The following MAML3 variants were observed in gnomAD, a reference collection of about 807,000 sequenced individuals.
MAML3 encodes the protein mastermind like transcriptional coactivator 3, also known as mastermind-like protein 3.
A neutral mutation model predicts 101.9 loss-of-function variants in MAML3; 27 were observed. The ratio of observed to expected loss-of-function variants is 0.27; its 90% CI spans 0.20 to 0.37. The LOEUF (loss-of-function observed/expected upper bound fraction) is 0.37. MAML3 is among the 10% of genes least tolerant of loss of function. MAML3 has a pLI of 1.00. For missense variants in MAML3, 1,316 were observed against 1,444.9 expected, an observed-to-expected ratio of 0.91 and a Z score of 1.45; for synonymous variants, 501 against 555.9, an observed-to-expected ratio of 0.90 and a Z score of 1.39.
intron 4 of MAML3, among the ~76,000 whole-genome samples, chr4:139,720,617 T>C (rs557134825): frequency 2.0e-5 from 3 of 152,222 alleles, no homozygotes; most frequent in African/African-American, 4.8e-5. Flanking sequence ...CCCACAAAAA[T>C]TGGGATCGTA....
At chr4:140,068,554 G>C (rs1426341435) in intron 1 of MAML3, among the ~76,000 whole-genome samples, 3 of 152,166 alleles carry the variant, frequency 2.0e-5, no homozygotes, top group Admixed American at 6.6e-5. Flanking sequence ...TCTACCAGGA[G>C]CTCACTCTCC....
At chr4:140,087,178 T>C (rs10018739) in intron 1 of MAML3, among the ~76,000 whole-genome samples, 2,229 of 152,214 alleles carry the variant, frequency 0.015, 60 homozygotes, top group African/African-American at 0.05. Flanking sequence ...ATACAAAACA[T>C]TCTCCTACCA....
intron 1 of MAML3, among the ~76,000 whole-genome samples, chr4:140,026,601 CAT>C (rs1384207693): frequency 1.3e-5 from 2 of 152,108 alleles, no homozygotes; most frequent in Non-Finnish European, 2.9e-5. Flanking sequence ...CAGAAAGAAA[CAT>C]TGAACAAATT....
At chr4:139,879,324 G>A (rs1188075334) in intron 2 of MAML3, among the ~76,000 whole-genome samples, 1 of 151,798 alleles carries the variant, frequency 6.6e-6, no homozygotes, top group Non-Finnish European at 1.5e-5. Flanking sequence ...TCAGGAGTTC[G>A]AGACCAGCCT....
At chr4:139,740,987 C>T (rs114067800) in intron 2 of MAML3, among the ~76,000 whole-genome samples, 2,393 of 152,284 alleles carry the variant, frequency 0.016, 32 homozygotes, top group Middle Eastern at 0.041. Flanking sequence ...CCTGCTCTGC[C>T]GGTTTCCCGA....
chr4:140,020,103 T>TC (rs575094187), intron 1 of MAML3, among the ~76,000 whole-genome samples: 266 of 152,310 alleles, frequency 1.7e-3, no homozygotes, highest in African/African-American at 6.0e-3. Flanking sequence ...CTATTTTTTT[T>TC]CCCTCCTGAC....
chr4:139,797,540 C>T (rs1730531950), intron 2 of MAML3, among the ~76,000 whole-genome samples: 1 of 152,090 alleles, frequency 6.6e-6, no homozygotes, highest in African/African-American at 2.4e-5. Context: ...GGGGTGTTCT[C>T]CCATTCATAG....
chr4:139,719,445 C>A lies in MAML3; in HGVS notation c.3295G>T (p.Asp1099Tyr). Residue 1099 changes from aspartate (D) to tyrosine (Y), a missense_variant, in exon 5 of 5, where the codon GAC becomes TAC. Transcript: ENST00000509479. ...PQDVSYNYSG[D>Y]GAGGSFPGLP... ...CCAGGGAAGGAACCCCCAGCTCCGT[C>A]GCCACTGTAATTGTATGACACGTCC... 6.2e-7 allele frequency: 1 copy of A among 1,614,008 alleles called. No homozygotes were observed. Among genetic ancestry groups the A allele is most frequent in the Non-Finnish European group, 8.5e-7 (1 of 1,179,900 alleles).
rs896627770 is a variant in MAML3 at position 140,097,555 on chromosome 4, G to A, written c.468+55305C>T. On this transcript the variant is annotated intron_variant, in intron 1 of 4. Transcript: ENST00000509479. ...ATGGGATTTAAAAAAAAGTTGGGAA[G>A]TATTAAAGGGAAAATCTTCCTGAAA... Among the ~76,000 whole-genome samples, 7 of 151,886 alleles carry A rather than the reference G, an allele frequency of 4.6e-5. No homozygotes were observed. In the South Asian group the frequency reaches 1.5e-3, roughly 32 times the overall value.
At chr4:139,777,885 CTTCTTGCTG>C (rs1487123820) in intron 2 of MAML3, among the ~76,000 whole-genome samples, 1 of 152,188 alleles carries the variant, frequency 6.6e-6, no homozygotes, top group African/African-American at 2.4e-5. Flanking sequence ...CCACATTGAC[CTTCTTGCTG>C]TTCCTGAAAA....
At chr4:140,052,846 A>G (rs1578660338) in intron 1 of MAML3, among the ~76,000 whole-genome samples, 1 of 151,928 alleles carries the variant, frequency 6.6e-6, no homozygotes, top group Non-Finnish European at 1.5e-5. Context: ...AAAAACCCAT[A>G]TATTTCTATT....
chr4:140,151,800 TG>T (rs1292683975), intron 1 of MAML3, among the ~76,000 whole-genome samples: 1 of 151,966 alleles, frequency 6.6e-6, no homozygotes, highest in Non-Finnish European at 1.5e-5. Flanking sequence ...GCCTCCGGCT[TG>T]GGGGGTGGGA....
intron 1 of MAML3, among the ~76,000 whole-genome samples, chr4:140,152,129 C>T (rs1213335226): frequency 2.0e-5 from 3 of 152,010 alleles, no homozygotes; most frequent in Non-Finnish European, 2.9e-5. Context: ...CCCAGCCGCT[C>T]CACCTGCCGG....
At chr4:139,909,714 A>G (rs6851289) in intron 1 of MAML3, among the ~76,000 whole-genome samples, 80,544 of 151,290 alleles carry the variant, frequency 0.53, 22,622 homozygotes, top group South Asian at 0.73. Flanking sequence ...GTATGTGCCT[A>G]TAATCCCAGC....
At chr4:139,778,678 G>A (rs759728855) in intron 2 of MAML3, among the ~76,000 whole-genome samples, 2 of 152,040 alleles carry the variant, frequency 1.3e-5, no homozygotes, top group Non-Finnish European at 2.9e-5. Context: ...GTGGTTCCAC[G>A]TTCCCACAGA....
chr4:139,951,561 G>C (rs909980426), intron 1 of MAML3, among the ~76,000 whole-genome samples: 1 of 152,160 alleles, frequency 6.6e-6, no homozygotes, highest in African/African-American at 2.4e-5. Flanking sequence ...CGCATGCAGA[G>C]CTGTGGAGGA....
chr4:139,871,629 C>T (rs1482467564), intron 2 of MAML3, among the ~76,000 whole-genome samples: 1 of 152,210 alleles, frequency 6.6e-6, no homozygotes, highest in Admixed American at 6.5e-5. Flanking sequence ...TCTTGTATCA[C>T]AAGCTGAATC....
At chr4:139,838,116 C>T (rs1263186185) in intron 2 of MAML3, among the ~76,000 whole-genome samples, 3 of 151,718 alleles carry the variant, frequency 2.0e-5, no homozygotes, top group Admixed American at 6.6e-5. Flanking sequence ...TGGGTTGGGA[C>T]ATGTTTTCCC....
intron 1 of MAML3, among the ~76,000 whole-genome samples, chr4:140,007,026 G>T (rs771447464): frequency 2.0e-5 from 3 of 152,112 alleles, no homozygotes. Context: ...ATAGAGGTAG[G>T]TGATAGTTTT....
Sources: allele counts gnomAD v4.1 joint callset (sites outside exome capture counted in the v4.1 genomes callset), GRCh38; gene constraint gnomAD v4.1.1; transcripts MANE v1.5; gene names NCBI Gene and HGNC (gene_info 2026-07-23, HGNC 2026-07-21).